Variants in DCAF6 observed in about 807,000 individuals in gnomAD.
DCAF6 encodes the protein DDB1- and CUL4-associated factor 6.
A neutral mutation model predicts 125.1 loss-of-function variants in DCAF6; 54 were observed. The observed-to-expected ratio is 0.43, with a 90% CI of 0.35 to 0.54. The LOEUF is 0.54. Among genes scored for constraint, DCAF6 ranks in the 20% least tolerant of loss-of-function variants. The pLI, the probability that DCAF6 is intolerant of heterozygous loss-of-function variation, is 0.01. For synonymous variants in DCAF6, 371 were observed against 390.4 expected (o/e 0.95, Z 0.58); for missense variants, 934 against 1,161.7 (o/e 0.80, Z 2.85).
rs535497353 is a variant in DCAF6 at position 168,042,995 on chromosome 1, G to C, written c.1728-30G>C. The C allele has an allele frequency of 3.3e-6, 5 of 1,496,040 alleles. No individual in the cohort carries two copies. In the East Asian group the frequency reaches 1.1e-4, roughly 34 times the overall value. The allele number at this position is 1,496,040 out of a possible 1,614,324, so 92.7% of individuals were successfully genotyped here. On this transcript the variant is annotated intron_variant, in intron 13 of 21. Coordinates refer to ENST00000367840, the MANE Select transcript of DCAF6 (RefSeq NM_001198956.2). ...AAAGATCATATTGATTAACTTCTTGGTGGAATCACTTATCTTGTTTTGATG... is the reference window on the plus strand; with the variant it reads ...AAAGATCATATTGATTAACTTCTTGCTGGAATCACTTATCTTGTTTTGATG...
At chr1:167,989,302 G>A (rs1680492887) in intron 5 of DCAF6, among the ~76,000 whole-genome samples, 1 of 152,100 alleles carries the variant, frequency 6.6e-6, no homozygotes, top group Non-Finnish European at 1.5e-5. Flanking sequence ...CTATTTTAGT[G>A]TTTCAGTGTA....
the DCAF6 span, among the ~76,000 whole-genome samples, chr1:167,877,051 C>T: frequency 1.3e-5 from 2 of 151,942 alleles, no homozygotes; most frequent in East Asian, 3.9e-4. Context: ...CAATTGAACC[C>T]CACATTTGTG....
At chr1:167,958,036 G>A (rs1216898605) in intron 2 of DCAF6, among the ~76,000 whole-genome samples, 1 of 152,062 alleles carries the variant, frequency 6.6e-6, no homozygotes, top group African/African-American at 2.4e-5. Flanking sequence ...TGGGACTCTT[G>A]TCATGGGACT....
chr1:167,960,399 A>G (rs1020182596), intron 2 of DCAF6, among the ~76,000 whole-genome samples: 10 of 152,064 alleles, frequency 6.6e-5, no homozygotes, highest in Admixed American at 1.3e-4. Context: ...CCTGGGTTCA[A>G]GTGATTCTCC....
At chr1:167,911,221 A>G in the DCAF6 span, among the ~76,000 whole-genome samples, 3 of 152,390 alleles carry the variant, frequency 2.0e-5, no homozygotes, top group African/African-American at 7.2e-5. Context: ...TAAAAAGTAA[A>G]GTAGAGGTTC....
the DCAF6 span, chr1:167,902,085 C>G: frequency 6.3e-7 from 1 of 1,593,848 alleles, no homozygotes; most frequent in Non-Finnish European, 8.6e-7. Flanking sequence ...TAAATCAAAC[C>G]CTGATTCCTT....
chr1:167,879,654 T>G, the DCAF6 span, among the ~76,000 whole-genome samples: 1 of 152,192 alleles, frequency 6.6e-6, no homozygotes, highest in African/African-American at 2.4e-5. Flanking sequence ...GATGCATTAT[T>G]GCTGAAAATC....
chr1:167,937,382 C>A (rs1159354415), intron 1 of DCAF6: 2 of 232,566 alleles, frequency 8.6e-6, no homozygotes, highest in Non-Finnish European at 1.8e-5. Context: ...TTTCCCCGCT[C>A]AGCCGAAGAA....
chr1:168,049,783 G>A (rs552101128), intron 16 of DCAF6, among the ~76,000 whole-genome samples: 29 of 146,494 alleles, frequency 2.0e-4, no homozygotes, highest in Admixed American at 1.5e-3. Flanking sequence ...AGCCTCCCAA[G>A]TAGCTGGGAC....
At chr1:167,904,338 G>A in the DCAF6 span, among the ~76,000 whole-genome samples, 5 of 151,856 alleles carry the variant, frequency 3.3e-5, no homozygotes, top group East Asian at 1.9e-4. Context: ...CGCCCTCCTC[G>A]GCCTCCAAAA....
the DCAF6 span, chr1:167,924,360 G>T: frequency 3.1e-6 from 2 of 645,450 alleles, no homozygotes; most frequent in South Asian, 2.6e-5. Context: ...ATATGTCTGA[G>T]AATATTTGCC....
intron 1 of DCAF6, among the ~76,000 whole-genome samples, chr1:167,941,963 T>A (rs1035059437): frequency 3.3e-5 from 5 of 152,242 alleles, no homozygotes; most frequent in Non-Finnish European, 7.3e-5. Flanking sequence ...ATATGAGAGT[T>A]CCAATTGCTC....
At chr1:167,886,134 A>G in the DCAF6 span, among the ~76,000 whole-genome samples, 1 of 152,174 alleles carries the variant, frequency 6.6e-6, no homozygotes, top group African/African-American at 2.4e-5. Flanking sequence ...AAGGTAATTT[A>G]TAGATTCCAT....
At chr1:167,906,448 A>G in the DCAF6 span, among the ~76,000 whole-genome samples, 66 of 152,212 alleles carry the variant, frequency 4.3e-4, no homozygotes, top group African/African-American at 1.5e-3. Context: ...ATTAAATCAA[A>G]TAAATAACTT....
chr1:167,959,513 C>T (rs1006454526), intron 2 of DCAF6, among the ~76,000 whole-genome samples: 1 of 152,160 alleles, frequency 6.6e-6, no homozygotes, highest in Admixed American at 6.5e-5. Flanking sequence ...TTTTGCATTC[C>T]CACCAGCAAT....
chr1:167,911,538 T>G, the DCAF6 span, among the ~76,000 whole-genome samples: 4 of 152,336 alleles, frequency 2.6e-5, no homozygotes, highest in African/African-American at 9.6e-5. Context: ...TTGCCTCTTT[T>G]AAAAGTTCTA....
chr1:167,945,005 G>A (rs550100368), intron 1 of DCAF6, among the ~76,000 whole-genome samples: 13 of 152,186 alleles, frequency 8.5e-5, no homozygotes, highest in African/African-American at 2.9e-4. Context: ...TGTTCTTGTC[G>A]GCTTTGTCAA....
At chr1:167,971,575 G>A (rs1180744415) in intron 3 of DCAF6, among the ~76,000 whole-genome samples, 7 of 152,122 alleles carry the variant, frequency 4.6e-5, no homozygotes, top group Non-Finnish European at 8.8e-5. Flanking sequence ...AGTGTTGTAC[G>A]TGACATGATT....
chr1:168,071,080 T>C (rs934346828), intron 21 of DCAF6, among the ~76,000 whole-genome samples: 3 of 152,182 alleles, frequency 2.0e-5, no homozygotes, highest in Non-Finnish European at 4.4e-5. Flanking sequence ...TACTCCAGAA[T>C]AGACCTAATA....
Sources: allele counts gnomAD v4.1 joint callset (sites outside exome capture counted in the v4.1 genomes callset), GRCh38; gene constraint gnomAD v4.1.1; transcripts MANE v1.5; gene names NCBI Gene and HGNC (gene_info 2026-07-23, HGNC 2026-07-21).